KHDRBS2: variants seen among roughly 807,000 people sequenced by gnomAD.
KHDRBS2 encodes the protein KH RNA binding domain containing, signal transduction associated 2.
In KHDRBS2, 26 loss-of-function variants were observed where a neutral mutation model predicts 44.3. The ratio of observed to expected loss-of-function variants is 0.59; its 90% CI spans 0.43 to 0.81. The LOEUF is 0.81. Among genes scored for constraint, KHDRBS2 ranks in the 40% least tolerant of loss-of-function variants. KHDRBS2 has a pLI of 0.00. For missense variants in KHDRBS2, 476 were observed against 433.1 expected, an observed-to-expected ratio of 1.10 and a Z score of -0.88; for synonymous variants, 194 against 151.1, an observed-to-expected ratio of 1.28 and a Z score of -2.08.
At chr6:61,654,527 T>C in the KHDRBS2 span, among the ~76,000 whole-genome samples, 1 of 151,710 alleles carries the variant, frequency 6.6e-6, no homozygotes, top group Non-Finnish European at 1.5e-5. Context: ...AGACCTTGGG[T>C]CAAACAGGGT....
At chr6:61,867,553 G>A (rs1797967600) in intron 6 of KHDRBS2, among the ~76,000 whole-genome samples, 1 of 152,108 alleles carries the variant, frequency 6.6e-6, no homozygotes, top group South Asian at 2.1e-4. Flanking sequence ...AGTTTTCAGT[G>A]GTTTTGCACT....
chr6:61,915,303 A>G (rs774356811), intron 4 of KHDRBS2, among the ~76,000 whole-genome samples: 1 of 152,070 alleles, frequency 6.6e-6, no homozygotes, highest in Non-Finnish European at 1.5e-5. Flanking sequence ...GAATGAGGGC[A>G]GAATTCAAGT....
the KHDRBS2 span, among the ~76,000 whole-genome samples, chr6:61,617,461 A>T: frequency 1.3e-5 from 2 of 152,250 alleles, no homozygotes; most frequent in South Asian, 2.1e-4. Flanking sequence ...TAATGACATG[A>T]TTATTTTGTT....
At chr6:62,035,153 A>T (rs1165998732) in intron 3 of KHDRBS2, among the ~76,000 whole-genome samples, 1 of 151,990 alleles carries the variant, frequency 6.6e-6, no homozygotes, top group Non-Finnish European at 1.5e-5. Context: ...ATACCCTAAC[A>T]AAAAGGAATC....
At chr6:61,968,494 T>C (rs1243017451) in intron 4 of KHDRBS2, among the ~76,000 whole-genome samples, 1 of 152,038 alleles carries the variant, frequency 6.6e-6, no homozygotes, top group African/African-American at 2.4e-5. Flanking sequence ...TATGAATATA[T>C]TATTGAATTA....
chr6:61,724,413 C>T (rs1773213667), intron 7 of KHDRBS2, among the ~76,000 whole-genome samples: 1 of 152,002 alleles, frequency 6.6e-6, no homozygotes, highest in African/African-American at 2.4e-5. Flanking sequence ...GAACAGTCTG[C>T]AAAATAATCA....
chr6:61,693,434 GAT>G (rs1435081029), intron 8 of KHDRBS2, among the ~76,000 whole-genome samples: 2 of 152,048 alleles, frequency 1.3e-5, no homozygotes, highest in African/African-American at 4.8e-5. Context: ...GCCTGCATAG[GAT>G]ATGAGAGCAA....
intron 4 of KHDRBS2, among the ~76,000 whole-genome samples, chr6:61,959,283 A>C (rs1328249398): frequency 6.6e-6 from 1 of 152,194 alleles, no homozygotes; most frequent in Non-Finnish European, 1.5e-5. Context: ...TTTACAACAC[A>C]AGTAAATCAA....
At chr6:62,106,357 C>T (rs892533342) in intron 2 of KHDRBS2, among the ~76,000 whole-genome samples, 24 of 152,152 alleles carry the variant, frequency 1.6e-4, no homozygotes, top group African/African-American at 3.9e-4. Flanking sequence ...TCTCGCTGAT[C>T]GGTCTAATGT....
intron 6 of KHDRBS2, among the ~76,000 whole-genome samples, chr6:61,781,641 C>T (rs187596429): frequency 6.6e-4 from 100 of 152,192 alleles, no homozygotes; most frequent in African/African-American, 1.9e-3. Context: ...ATGCAATTTT[C>T]TTGAATGCAT....
intron 2 of KHDRBS2, among the ~76,000 whole-genome samples, chr6:62,094,438 C>A (rs945886447): frequency 7.3e-5 from 11 of 151,506 alleles, no homozygotes; most frequent in Non-Finnish European, 1.5e-4. Context: ...GATATTAATC[C>A]CTTATCAAAC....
At chr6:61,621,902 T>C in the KHDRBS2 span, among the ~76,000 whole-genome samples, 1 of 152,196 alleles carries the variant, frequency 6.6e-6, no homozygotes, top group Admixed American at 6.5e-5. Context: ...AGAAGGTATT[T>C]AGGTATTCTT....
intron 2 of KHDRBS2, among the ~76,000 whole-genome samples, chr6:62,097,871 TATTTTTAG>T (rs936448705): frequency 5.3e-5 from 8 of 152,138 alleles, no homozygotes; most frequent in African/African-American, 1.9e-4. Context: ...GTTTGCTTTT[TATTTTTAG>T]TGTATCTGTT....
intron 2 of KHDRBS2, among the ~76,000 whole-genome samples, chr6:62,102,116 A>C (rs751730824): frequency 6.6e-6 from 1 of 152,248 alleles, no homozygotes. Flanking sequence ...TTTATAAAAC[A>C]ATAATAATGA....
chr6:61,637,899 A>C, the KHDRBS2 span, among the ~76,000 whole-genome samples: 2 of 151,646 alleles, frequency 1.3e-5, no homozygotes, highest in Non-Finnish European at 2.9e-5. Context: ...TTTTCTTGTA[A>C]ATTTGTTTGA....
chr6:62,028,146 T>A (rs1184879205), intron 3 of KHDRBS2, among the ~76,000 whole-genome samples: 1 of 152,102 alleles, frequency 6.6e-6, no homozygotes, highest in Non-Finnish European at 1.5e-5. Context: ...CCTGCCAGTG[T>A]CAGAGAATCA....
chr6:61,556,509 C>T, the KHDRBS2 span, among the ~76,000 whole-genome samples: 2 of 152,172 alleles, frequency 1.3e-5, no homozygotes, highest in Non-Finnish European at 2.9e-5. Flanking sequence ...GTGATAGGCT[C>T]ACTTCATTCT....
At chr6:61,562,351 T>A in the KHDRBS2 span, among the ~76,000 whole-genome samples, 414 of 152,258 alleles carry the variant, frequency 2.7e-3, 2 homozygotes, top group African/African-American at 9.5e-3. Flanking sequence ...TCTGTTATGA[T>A]CCTTTAGGGA....
chr6:61,791,640 G>A (rs1562189694), intron 6 of KHDRBS2, among the ~76,000 whole-genome samples: 1 of 151,402 alleles, frequency 6.6e-6, no homozygotes, highest in Non-Finnish European at 1.5e-5. Context: ...TGAAAAGAAT[G>A]TGATTCTGCA....
Sources: gnomAD v4.1 joint callset for allele counts (sites outside exome capture counted in the v4.1 genomes callset) on GRCh38, gnomAD v4.1.1 for gene constraint, MANE v1.5 for transcripts, NCBI Gene and HGNC (gene_info 2026-07-23, HGNC 2026-07-21) for gene names.